The following FAM227B variants were observed in gnomAD, a reference collection of about 807,000 sequenced individuals.
FAM227B encodes protein FAM227B.
Under a neutral mutation model 73.8 loss-of-function variants are expected in FAM227B, and 88 were observed. The ratio of observed to expected loss-of-function variants is 1.19; its 90% CI spans 1.00 to 1.42. FAM227B has a LOEUF of 1.42. Among genes scored for constraint, FAM227B ranks in the 40% most tolerant of loss-of-function variants. FAM227B has a pLI of 0.00. For synonymous variants in FAM227B, 210 were observed against 190.5 expected (o/e 1.10, Z -0.84); for missense variants, 632 against 590.9 (o/e 1.07, Z -0.72).
chr15:49,484,223 A>G (rs2056205201), intron 11 of FAM227B: 4 of 924,498 alleles, frequency 4.3e-6, no homozygotes, highest in African/African-American at 1.7e-5. Context: ...TTTCAATTCT[A>G]CCAAATATTA....
intron 11 of FAM227B, among the ~76,000 whole-genome samples, chr15:49,417,383 A>T (rs1760681149): frequency 6.6e-6 from 1 of 152,064 alleles, no homozygotes. Context: ...TTAAAAAAAT[A>T]ATGACAAAGC....
At chr15:49,350,872 G>A (rs1029950171) in intron 13 of FAM227B, among the ~76,000 whole-genome samples, 13 of 152,202 alleles carry the variant, frequency 8.5e-5, no homozygotes, top group African/African-American at 3.1e-4. Context: ...AAGTACAAAG[G>A]AGAGACTGCT....
At chr15:49,542,756 T>C (rs974138865) in intron 9 of FAM227B, among the ~76,000 whole-genome samples, 2 of 150,382 alleles carry the variant, frequency 1.3e-5, no homozygotes, top group African/African-American at 4.9e-5. Context: ...TTATTTAATA[T>C]TTTTAACTTT....
chr15:49,536,003 A>G (rs2060982404), intron 10 of FAM227B, among the ~76,000 whole-genome samples: 1 of 151,110 alleles, frequency 6.6e-6, no homozygotes, highest in Non-Finnish European at 1.5e-5. Flanking sequence ...ATCCAGTACA[A>G]GACAAGGATA....
chr15:49,388,428 C>CG (rs1250216039), intron 11 of FAM227B, among the ~76,000 whole-genome samples: 1 of 151,754 alleles, frequency 6.6e-6, no homozygotes. Flanking sequence ...AACTGCCAAG[C>CG]CACACATTGA....
intron 11 of FAM227B, among the ~76,000 whole-genome samples, chr15:49,449,706 T>A (rs1031937477): frequency 2.0e-4 from 30 of 152,086 alleles, no homozygotes; most frequent in Admixed American, 1.3e-4. Flanking sequence ...AAGTTAGGTC[T>A]CTTTCGCTTC....
At chr15:49,527,440 G>T (rs926502593) in intron 10 of FAM227B, among the ~76,000 whole-genome samples, 3 of 151,802 alleles carry the variant, frequency 2.0e-5, no homozygotes, top group African/African-American at 7.3e-5. Context: ...TTCCCCATGA[G>T]AACCAAAATA....
At chr15:49,383,742 C>T (rs1056904426) in intron 11 of FAM227B, among the ~76,000 whole-genome samples, 3 of 151,972 alleles carry the variant, frequency 2.0e-5, no homozygotes, top group South Asian at 2.1e-4. Context: ...AAAAGGAATA[C>T]GATTGGCAAA....
chr15:49,551,461 C>CATATCTTTATTTTCAGTCT (rs905318960), intron 9 of FAM227B, among the ~76,000 whole-genome samples: 2 of 152,058 alleles, frequency 1.3e-5, no homozygotes, highest in African/African-American at 4.8e-5. Flanking sequence ...TACTTTTCTT[C>CATATCTTTATTTTCAGTCT]ATATCTTTAT....
At chr15:49,375,448 A>C (rs1253025109) in intron 11 of FAM227B, among the ~76,000 whole-genome samples, 1 of 152,050 alleles carries the variant, frequency 6.6e-6, no homozygotes, top group African/African-American at 2.4e-5. Context: ...GGACCAAATC[A>C]TTGCTCAGGC....
intron 11 of FAM227B, among the ~76,000 whole-genome samples, chr15:49,467,724 A>G (rs2054389925): frequency 6.6e-6 from 1 of 152,162 alleles, no homozygotes; most frequent in Non-Finnish European, 1.5e-5. Context: ...CTTTCTGTAT[A>G]AAAGTTTAGA....
intron 11 of FAM227B, among the ~76,000 whole-genome samples, chr15:49,489,822 TTATATATA>T (rs1178397654): frequency 3.1e-5 from 1 of 32,350 alleles, no homozygotes; most frequent in Admixed American, 4.4e-4. Flanking sequence ...TATATATATT[TTATATATA>T]TATATATATT....
chr15:49,606,446 T>C (rs1000767700), intron 3 of FAM227B, among the ~76,000 whole-genome samples: 2 of 152,224 alleles, frequency 1.3e-5, no homozygotes, highest in Non-Finnish European at 2.9e-5. Flanking sequence ...AATCCTTTTA[T>C]GTAACCAATC....
intron 9 of FAM227B, among the ~76,000 whole-genome samples, chr15:49,543,067 C>A (rs2071312410): frequency 6.6e-6 from 1 of 152,082 alleles, no homozygotes; most frequent in South Asian, 2.1e-4. Flanking sequence ...ACTTTTAGTT[C>A]TTTGAGTAAT....
chr15:49,395,717 A>T (rs1251434419), intron 11 of FAM227B, among the ~76,000 whole-genome samples: 1 of 152,198 alleles, frequency 6.6e-6, no homozygotes, highest in Admixed American at 6.5e-5. Flanking sequence ...AGTCTCTATG[A>T]TGTCTTTTAC....
At chr15:49,480,877 G>T (rs1011090165) in intron 11 of FAM227B, among the ~76,000 whole-genome samples, 3 of 152,130 alleles carry the variant, frequency 2.0e-5, no homozygotes, top group African/African-American at 7.2e-5. Flanking sequence ...TGAACTTATT[G>T]TCATGACTGG....
At chr15:49,517,160 T>C (rs748743127) in intron 10 of FAM227B, among the ~76,000 whole-genome samples, 20 of 152,190 alleles carry the variant, frequency 1.3e-4, no homozygotes, top group Non-Finnish European at 2.8e-4. Flanking sequence ...AGAAAACTAA[T>C]ACAGCCTCTT....
chr15:49,462,049 G>A (rs139936899), intron 11 of FAM227B, among the ~76,000 whole-genome samples: 74 of 152,104 alleles, frequency 4.9e-4, no homozygotes, highest in African/African-American at 1.5e-3. Context: ...AACCTGGCAG[G>A]TGGCGGTTGC....
chr15:49,420,323 G>A (rs949273251), intron 11 of FAM227B, among the ~76,000 whole-genome samples: 6 of 151,934 alleles, frequency 3.9e-5, no homozygotes, highest in South Asian at 2.1e-4. Flanking sequence ...TACCCATTCG[G>A]TGGAATACCC....
Sources: allele counts gnomAD v4.1 joint callset (sites outside exome capture counted in the v4.1 genomes callset), GRCh38; gene constraint gnomAD v4.1.1; transcripts MANE v1.5; gene names NCBI Gene and HGNC (gene_info 2026-07-23, HGNC 2026-07-21).